The following KHK variants were observed in gnomAD, a reference collection of about 807,000 sequenced individuals.
KHK encodes ketohexokinase.
In KHK, 37 loss-of-function variants were observed where a neutral mutation model predicts 36.0. That is an observed-to-expected ratio of 1.03 (90% confidence interval 0.79 to 1.35). The LOEUF is 1.35. Among genes scored for constraint, KHK ranks in the 40% most tolerant of loss-of-function variants. The probability of loss-of-function intolerance (pLI) is 0.00; values close to 1 mark genes in which losing one functional copy is unlikely to be tolerated. For missense variants in KHK, 395 were observed against 391.9 expected (o/e 1.01, Z -0.07); for synonymous variants, 161 against 162.8 (o/e 0.99, Z 0.08).
chr2:27,099,652 G>A lies in KHK; in HGVS notation c.812-13G>A. On this transcript the variant is annotated splice_polypyrimidine_tract_variant and intron_variant, in intron 7 of 7. Transcript: ENST00000260598. Reference sequence around the variant, plus strand: ...AAACACCTGGCTGACCTAGCTACTTGCCCCTCCTCCAGGGAGGAGCGTGCA... The same window carrying A: ...AAACACCTGGCTGACCTAGCTACTTACCCCTCCTCCAGGGAGGAGCGTGCA... 1 of 1,614,106 alleles carries A rather than the reference G, an allele frequency of 6.2e-7. No individual in the cohort carries two copies. The highest frequency in any genetic ancestry group is 1.3e-5 in the African/African-American group (1 of 75,062).
chr2:27,094,731 G>A (rs1670230520), intron 2 of KHK, 69 bp from the exon 3 acceptor site: 8 of 1,613,208 alleles, frequency 5.0e-6, no homozygotes, highest in Non-Finnish European at 6.8e-6. Flanking sequence ...TCCTTTTGGA[G>A]GTCCAGACCA....
intron 2 of KHK, 159 bp from the exon 3 acceptor site, chr2:27,094,641 T>C (rs1304477927): frequency 2.5e-6 from 4 of 1,613,842 alleles, no homozygotes; most frequent in East Asian, 2.2e-5. Context: ...CCTTGCCAGC[T>C]GCTGCCGCCG....
Position 27,100,401 on chromosome 2 carries a change from A to T in KHK, c.*651A>T, listed in dbSNP as rs184162960. On this transcript the variant is annotated 3_prime_UTR_variant, in exon 8 of 8. Transcript: ENST00000260598. ...GACTGCCCCAGAGCCTGAAAGTCTC[A>T]CCCTTGGAGCCCACCTTGGAATTAA... 7.8e-7 allele frequency: 1 copy of T among 1,284,824 alleles called. No individual in the cohort carries two copies. Among genetic ancestry groups the T allele is most frequent in the East Asian group, 5.5e-5 (1 of 18,122 alleles). 79.6% of individuals were successfully genotyped at this position (1,284,824 alleles called of 1,614,324 possible). A position where few individuals can be genotyped will look rare whatever the true frequency, so the allele number is the denominator to read the frequency against.
At chr2:27,098,554 T>C (rs1258288440) in intron 5 of KHK, among the ~76,000 whole-genome samples, 1 of 152,060 alleles carries the variant, frequency 6.6e-6, no homozygotes, top group Non-Finnish European at 1.5e-5. Context: ...GGCAGGAGGA[T>C]TGCAGTGCCT....
At chr2:27,096,541 G>A (rs1258433774) in intron 3 of KHK, among the ~76,000 whole-genome samples, 188 bp from the exon 4 acceptor site, 2 of 152,178 alleles carry the variant, frequency 1.3e-5, no homozygotes. Context: ...ACTCAGGAAA[G>A]GGCACCCCAG....
chr2:27,100,634 A>G lies in KHK; in HGVS notation c.*884A>G. The stretch of plus-strand genomic sequence containing the variant: ...CATTTAATTAGCTGCATATCACCTT[A>G]GGGTACAGCACTTAACGCAATCTGC... On this transcript the variant is annotated 3_prime_UTR_variant, in exon 8 of 8. Transcript: ENST00000260598. 1 of 1,133,082 alleles carries G rather than the reference A, an allele frequency of 8.8e-7. No individual in the cohort carries two copies. Among genetic ancestry groups the G allele is most frequent in the Non-Finnish European group, 1.2e-6 (1 of 862,168 alleles). 70.2% of individuals were successfully genotyped at this position (1,133,082 alleles called of 1,614,324 possible). A position where few individuals can be genotyped will look rare whatever the true frequency, so the allele number is the denominator to read the frequency against.
At chr2:27,099,324 G>A in intron 6 of KHK, 40 bp downstream of exon 6, 1 of 1,613,492 alleles carries the variant, frequency 6.2e-7, no homozygotes, top group Non-Finnish European at 8.5e-7. Context: ...AGAAGGTACA[G>A]GATGAGCCTG....
At chr2:27,096,633 T>G in intron 3 of KHK, 96 bp from the exon 4 acceptor site, 1 of 942,782 alleles carries the variant, frequency 1.1e-6, no homozygotes, top group Non-Finnish European at 1.7e-6. Context: ...CTGCCAGCAG[T>G]GCAGGCACAG....
At chr2:27,090,946 C>T (rs1669966490) in intron 1 of KHK, among the ~76,000 whole-genome samples, 1 of 152,074 alleles carries the variant, frequency 6.6e-6, no homozygotes, top group Admixed American at 6.5e-5. Context: ...ATCCCAGCTA[C>T]TTGGGAGACT....
At position 27,100,098 on chromosome 2, in the gene KHK, G is replaced by A; in HGVS notation, c.*348G>A. The A allele has an allele frequency of 1.7e-6, 1 of 581,896 alleles. No homozygotes were observed. The allele number at this position is 581,896 out of a possible 1,614,324, so 36.0% of individuals were successfully genotyped here. Reference sequence around the variant, plus strand: ...CAGGCCCAGAGGAGGGGCTGCCTGGGCTAGAGCAGCGAGAAGTGCCCTGGG... The same window carrying A: ...CAGGCCCAGAGGAGGGGCTGCCTGGACTAGAGCAGCGAGAAGTGCCCTGGG... On this transcript the variant is annotated 3_prime_UTR_variant, in exon 8 of 8. Transcript: ENST00000260598.
At chr2:27,096,571 C>T (rs1387572021) in intron 3 of KHK, among the ~76,000 whole-genome samples, 158 bp from the exon 4 acceptor site, 5 of 152,180 alleles carry the variant, frequency 3.3e-5, no homozygotes, top group Admixed American at 2.6e-4. Flanking sequence ...ACAGGGACAA[C>T]CCTGGAGCTG....
intron 4 of KHK, 143 bp downstream of exon 4, chr2:27,096,944 T>C: frequency 1.4e-6 from 1 of 711,174 alleles, no homozygotes; most frequent in Non-Finnish European, 2.5e-6. Context: ...TCTTTCCTTA[T>C]GTCTTCAGGT....
At chr2:27,093,711 T>A (rs918163262) in intron 2 of KHK, among the ~76,000 whole-genome samples, 11 of 152,210 alleles carry the variant, frequency 7.2e-5, no homozygotes, top group African/African-American at 2.6e-4. Context: ...TAATTGCCAG[T>A]TCTTGAGCAC....
chr2:27,087,990 AAG>A (rs1404870639), intron 1 of KHK: 4 of 152,100 alleles, frequency 2.6e-5, no homozygotes, highest in Non-Finnish European at 5.9e-5. Flanking sequence ...GCTAAATTCC[AAG>A]AGGAGTTTAC....
intron 2 of KHK, chr2:27,094,318 G>A: frequency 4.8e-6 from 4 of 835,438 alleles, no homozygotes; most frequent in Non-Finnish European, 6.0e-6. Context: ...CTCCTGCCCT[G>A]TTGCACTGCC....
chr2:27,097,767 T>G lies in KHK; in HGVS notation c.564+118T>G, dbSNP rs951823478. Reference sequence around the variant, plus strand: ...AATAGTGGTTCCTGGTTTGGTGGTGTTTGAAGATGGGGGATGGGGGTTAAA... The same window carrying G: ...AATAGTGGTTCCTGGTTTGGTGGTGGTTGAAGATGGGGGATGGGGGTTAAA... On this transcript the variant is annotated intron_variant, in intron 5 of 7. Coordinates refer to ENST00000260598, the MANE Select transcript of KHK (RefSeq NM_006488.3). 10 of 1,443,326 alleles carry G rather than the reference T, an allele frequency of 6.9e-6. No homozygotes were observed. The Admixed American group carries it at 1.2e-4, about 17-fold the overall frequency. 89.4% of individuals were successfully genotyped at this position (1,443,326 alleles called of 1,614,324 possible).
At position 27,086,792 on chromosome 2, in the gene KHK, G is replaced by GC. The variant is rs1669683571; in HGVS notation, c.-468_-467insC. 6.5e-6 allele frequency: 1 copy of GC among 152,896 alleles called. No individual in the cohort carries two copies. Among genetic ancestry groups the GC allele is most frequent in the African/African-American group, 2.4e-5 (1 of 41,486 alleles). The allele number at this position is 152,896 out of a possible 1,614,324, so 9.5% of individuals were successfully genotyped here. On this transcript the variant is annotated 5_prime_UTR_variant, in exon 1 of 8. The change abolishes the stop of an existing upstream ORF in the 5' untranslated region. Coordinates refer to ENST00000260598, the MANE Select transcript of KHK (RefSeq NM_006488.3). ...GCTTCAGGCAGGGCTGCAGATGCGA[G>GC]GCCCAGCTGTACCTCGCGTGTCCCG... is the stretch of plus-strand genomic sequence containing the variant.
At position 27,094,531 on chromosome 2, in the gene KHK, T is replaced by G. The variant is rs755488258; in HGVS notation, c.210-269T>G. The stretch of plus-strand genomic sequence containing the variant: ...CTGTGGACCTACGCTACACAGTCTT[T>G]CAGACCACAGGCTCCGTCCCCATCG... On this transcript the variant is annotated intron_variant, in intron 2 of 7. Transcript: ENST00000260598. 10 of 1,614,016 alleles carry G rather than the reference T, an allele frequency of 6.2e-6. No homozygotes were observed. The highest frequency in any genetic ancestry group is 8.5e-6 in the Non-Finnish European group (10 of 1,180,028).
chr2:27,100,706 G>A lies in KHK; in HGVS notation c.*956G>A. 1 of 1,116,458 alleles carries A rather than the reference G, an allele frequency of 9.0e-7. No individual in the cohort carries two copies. Among genetic ancestry groups the A allele is most frequent in the Non-Finnish European group, 1.1e-6 (1 of 873,762 alleles). 69.2% of individuals were successfully genotyped at this position (1,116,458 alleles called of 1,614,324 possible). ...ATGGAACCAATTCTGCTTGGCTACAGAATTATTGTGAGGATAAAATCATAT... is the reference window on the plus strand; with the variant it reads ...ATGGAACCAATTCTGCTTGGCTACAAAATTATTGTGAGGATAAAATCATAT... On this transcript the variant is annotated 3_prime_UTR_variant, in exon 8 of 8. Coordinates refer to ENST00000260598, the MANE Select transcript of KHK (RefSeq NM_006488.3).
Sources: gnomAD v4.1 joint callset for allele counts (sites outside exome capture counted in the v4.1 genomes callset) on GRCh38, gnomAD v4.1.1 for gene constraint, MANE v1.5 for transcripts, NCBI Gene and HGNC (gene_info 2026-07-23, HGNC 2026-07-21) for gene names.